Variants in TDRD5 observed in about 807,000 individuals in gnomAD.
TDRD5 encodes tudor domain containing 5, also known as tudor domain-containing protein 5.
A neutral mutation model predicts 120.6 loss-of-function variants in TDRD5; 41 were observed. That is an observed-to-expected ratio of 0.34 (90% CI 0.26 to 0.44). TDRD5 has a LOEUF of 0.44. Ranked by LOEUF, TDRD5 falls within the 20% of genes least tolerant of loss-of-function variation. TDRD5 has a pLI of 1.00. For missense variants in TDRD5, 1,006 were observed against 1,221.2 expected (o/e 0.82, Z 2.63); for synonymous variants, 430 against 433.7 (o/e 0.99, Z 0.11).
chr1:179,664,057 G>C (rs1237807763), intron 16 of TDRD5, among the ~76,000 whole-genome samples: 2 of 152,138 alleles, frequency 1.3e-5, no homozygotes, highest in Non-Finnish European at 2.9e-5. Flanking sequence ...CTTTACTTTG[G>C]TGTGTTACAT....
chr1:179,654,208 T>C lies in TDRD5; in HGVS notation c.2168T>C (p.Ile723Thr), dbSNP rs1678870041. The C allele has an allele frequency of 6.5e-7, 1 of 1,532,778 alleles. No individual in the cohort carries two copies. The highest frequency in any genetic ancestry group is 1.7e-4 in the Middle Eastern group (1 of 5,742). 94.9% of individuals were successfully genotyped at this position (1,532,778 alleles called of 1,614,324 possible). A position where few individuals can be genotyped will look rare whatever the true frequency, so the allele number is the denominator to read the frequency against. ...CTCTTTCATATCTACTAGCAAGATA[T>C]TAATGATGAAAAGTCTTTAAGTCAT... ...KESELRILQD[I>T]NDEKSLSHLK... Residue 723 changes from isoleucine (I) to threonine (T), a missense_variant, in exon 14 of 18, where the codon ATT becomes ACT. Ile to Thr is a moderately conservative substitution (Grantham distance 89, BLOSUM62 -1). This residue lies in a region of TDRD5 where 403 missense variants were observed against 448.1 expected (regional missense o/e 0.90). Transcript: ENST00000444136.
chr1:179,663,035 T>C (rs1449839619), intron 15 of TDRD5, among the ~76,000 whole-genome samples: 1 of 152,168 alleles, frequency 6.6e-6, no homozygotes, highest in Admixed American at 6.5e-5. Context: ...TATCTGAAAT[T>C]ATGTTGCTCC....
chr1:179,594,150 A>T (rs1461524897), intron 3 of TDRD5, among the ~76,000 whole-genome samples: 3 of 152,228 alleles, frequency 2.0e-5, no homozygotes, highest in Non-Finnish European at 4.4e-5. Flanking sequence ...TTATTATTTT[A>T]AAAACTACAA....
chr1:179,595,853 A>G (rs1479625582), intron 4 of TDRD5, 35 bp downstream of exon 4: 1 of 1,549,718 alleles, frequency 6.5e-7, no homozygotes, highest in African/African-American at 1.4e-5. Context: ...TAAATATACG[A>G]TGTTTTTAAA....
At chr1:179,599,102 A>G (rs1675557176) in intron 4 of TDRD5, among the ~76,000 whole-genome samples, 1 of 152,002 alleles carries the variant, frequency 6.6e-6, no homozygotes, top group Non-Finnish European at 1.5e-5. Flanking sequence ...TTCTTTCTCC[A>G]TACATTGAAA....
At chr1:179,642,128 T>C (rs1297280930) in intron 11 of TDRD5, among the ~76,000 whole-genome samples, 1 of 150,860 alleles carries the variant, frequency 6.6e-6, no homozygotes, top group Admixed American at 6.6e-5. Context: ...GGAGACGGAG[T>C]CTTCCTTCAT....
In TDRD5 at chr1:179,638,089, G is replaced by C. The variant is rs115666918; in HGVS notation, c.1521-1750G>C. 2.2e-3 allele frequency among the ~76,000 whole-genome samples: 338 copies of C among 152,260 alleles called. 6 individuals are homozygous for C. The highest frequency in any genetic ancestry group is 7.7e-3 in the African/African-American group (319 of 41,544). ...CAGGTGAGGTTGCAGGAGTCAGGAA[G>C]GGGGAGAGAGTGACTGATGTGATGC... On this transcript the variant is annotated intron_variant, in intron 9 of 17. Transcript: ENST00000444136.
intron 12 of TDRD5, among the ~76,000 whole-genome samples, chr1:179,651,473 T>C (rs1275716110): frequency 6.6e-6 from 1 of 150,574 alleles, no homozygotes; most frequent in Non-Finnish European, 1.5e-5. Context: ...CAAATAATAA[T>C]AATAAAATAA....
intron 17 of TDRD5, among the ~76,000 whole-genome samples, chr1:179,682,854 T>C (rs1300966985): frequency 1.3e-5 from 2 of 152,140 alleles, no homozygotes; most frequent in African/African-American, 4.8e-5. Flanking sequence ...TTATGGCTGG[T>C]GAGAACACAA....
intron 17 of TDRD5, among the ~76,000 whole-genome samples, chr1:179,689,838 G>C (rs931759466): frequency 5.9e-5 from 9 of 152,282 alleles, no homozygotes; most frequent in Middle Eastern, 3.4e-3. Flanking sequence ...CCGTGGGCGT[G>C]GGACCCTCCA....
In TDRD5 at chr1:179,592,510, A is replaced by T. The variant is rs4652418; in HGVS notation, c.-14-92A>T. On this transcript the variant is annotated intron_variant, in intron 1 of 17. Transcript: ENST00000444136. ...TCTGCCTTATTACCCTTAAAACTGG[A>T]GTCTCAGTTATTTGTATCCCACTAT... 4 of 970,022 alleles carry T rather than the reference A, an allele frequency of 4.1e-6. No individual in the cohort carries two copies. In the Admixed American group the frequency reaches 8.7e-5, roughly 21 times the overall value. The allele number at this position is 970,022 out of a possible 1,614,324, so 60.1% of individuals were successfully genotyped here.
At chr1:179,627,266 A>G (rs1405442653) in intron 6 of TDRD5, among the ~76,000 whole-genome samples, 1 of 152,190 alleles carries the variant, frequency 6.6e-6, no homozygotes, top group Non-Finnish European at 1.5e-5. Flanking sequence ...AATGAACATC[A>G]GAAAACCAAA....
At position 179,690,711 on chromosome 1, in the gene TDRD5, A is replaced by G; in HGVS notation, c.2876A>G (p.Glu959Gly). The change falls in exon 18 of 18, where the codon GAG becomes GGG. Residue 959 changes from glutamate to glycine, a missense_variant. Around this residue, in one of 3 missense-constraint regions of TDRD5, gnomAD observed 403 missense variants for 448.1 expected, o/e 0.90. Transcript: ENST00000444136. Reference sequence around the variant, plus strand: ...TCTTTTCCAGTGGAAAGCTCACCAGAGATCCTAAAGAATGAAGATTTTTCT... The same window carrying G: ...TCTTTTCCAGTGGAAAGCTCACCAGGGATCCTAAAGAATGAAGATTTTTCT... ...KPSGSVESSP[E>G]ILKNEDFSSS... 6.2e-7 allele frequency: 1 copy of G among 1,613,874 alleles called. No homozygotes were observed. Among genetic ancestry groups the G allele is most frequent in the Non-Finnish European group, 8.5e-7 (1 of 1,179,826 alleles).
rs75273542 is a variant in TDRD5 at position 179,613,564 on chromosome 1, G to A, written c.832-5035G>A. The stretch of plus-strand genomic sequence containing the variant: ...GGAAGCATGGATTTTTCAACATCTT[G>A]AAGTCAAAGATCATGGCTCTGGCAT... On this transcript the variant is annotated intron_variant, in intron 4 of 17. Coordinates refer to ENST00000444136, the MANE Select transcript of TDRD5 (RefSeq NM_001199085.3). Among the ~76,000 whole-genome samples, 38 of 152,310 alleles carry A rather than the reference G, an allele frequency of 2.5e-4. No homozygotes were observed. The East Asian group carries it at 4.1e-3, about 16-fold the overall frequency.
At chr1:179,635,237 T>C (rs984731403) in intron 8 of TDRD5, among the ~76,000 whole-genome samples, 1 of 152,194 alleles carries the variant, frequency 6.6e-6, no homozygotes, top group Non-Finnish European at 1.5e-5. Context: ...ATGAGAGTAT[T>C]TGAGAAATCC....
chr1:179,663,929 G>T (rs546874649), intron 16 of TDRD5, among the ~76,000 whole-genome samples: 2 of 152,206 alleles, frequency 1.3e-5, no homozygotes, highest in East Asian at 3.9e-4. Flanking sequence ...CATTGCTTTG[G>T]CAGAAAGCAG....
chr1:179,621,977 T>C (rs1047011904), intron 6 of TDRD5, among the ~76,000 whole-genome samples: 8 of 152,218 alleles, frequency 5.3e-5, no homozygotes, highest in Non-Finnish European at 7.4e-5. Flanking sequence ...AGTATATTTA[T>C]AGGTAAAAAC....
intron 15 of TDRD5, among the ~76,000 whole-genome samples, chr1:179,662,779 C>T (rs1679382079): frequency 6.6e-6 from 1 of 152,086 alleles, no homozygotes; most frequent in African/African-American, 2.4e-5. Flanking sequence ...CATCATGGGA[C>T]AATAAACCAT....
chr1:179,628,295 CAATT>C (rs1388635736), intron 6 of TDRD5, among the ~76,000 whole-genome samples: 1 of 137,664 alleles, frequency 7.3e-6, no homozygotes, highest in African/African-American at 2.7e-5. Flanking sequence ...AGAAATATAT[CAATT>C]TATTTATTTC....
Sources: gnomAD v4.1 joint callset for allele counts (sites outside exome capture counted in the v4.1 genomes callset) on GRCh38, gnomAD v4.1.1 for gene constraint, gnomAD v4.1.1 regional missense constraint, MANE v1.5 for transcripts, NCBI Gene and HGNC (gene_info 2026-07-23, HGNC 2026-07-21) for gene names.